The following RPS6KA5 variants were observed in gnomAD, a reference collection of about 807,000 sequenced individuals.
RPS6KA5 encodes the protein ribosomal protein S6 kinase A5.
RPS6KA5 carries 27 observed loss-of-function variants against 85.5 expected under a neutral mutation model. That is an observed-to-expected ratio of 0.32 (90% CI 0.23 to 0.44). The LOEUF (loss-of-function observed/expected upper bound fraction) is 0.44. Ranked by LOEUF, RPS6KA5 falls within the 20% of genes least tolerant of loss-of-function variation. RPS6KA5 has a pLI of 1.00. For synonymous variants in RPS6KA5, 334 were observed against 348.2 expected (o/e 0.96, Z 0.46); for missense variants, 811 against 980.9 (o/e 0.83, Z 2.31).
At chr14:90,993,594 C>T (rs2040396635) in intron 2 of RPS6KA5, among the ~76,000 whole-genome samples, 1 of 152,210 alleles carries the variant, frequency 6.6e-6, no homozygotes, top group South Asian at 2.1e-4. Context: ...TATTATTCCA[C>T]TTTACATGGC....
At chr14:91,039,467 T>C (rs2042522905) in intron 1 of RPS6KA5, among the ~76,000 whole-genome samples, 1 of 152,190 alleles carries the variant, frequency 6.6e-6, no homozygotes. Context: ...ACATATGGAA[T>C]GCCCCTCAGA....
chr14:91,037,853 C>T (rs183981167), intron 1 of RPS6KA5, among the ~76,000 whole-genome samples: 1 of 152,342 alleles, frequency 6.6e-6, no homozygotes, highest in East Asian at 1.9e-4. Context: ...GCAAGACCTG[C>T]AAGATCCACC....
intron 1 of RPS6KA5, among the ~76,000 whole-genome samples, chr14:91,044,436 A>G (rs1015940785): frequency 1.4e-5 from 2 of 148,034 alleles, no homozygotes; most frequent in Non-Finnish European, 3.0e-5. Context: ...AAAGAAAGAA[A>G]GAAAGAAAGA....
At chr14:90,981,417 T>A (rs2039785061) in intron 2 of RPS6KA5, among the ~76,000 whole-genome samples, 1 of 152,204 alleles carries the variant, frequency 6.6e-6, no homozygotes, top group African/African-American at 2.4e-5. Context: ...TTGTAAATAT[T>A]TTTTTCTTTG....
intron 3 of RPS6KA5, among the ~76,000 whole-genome samples, chr14:90,961,837 G>C (rs549458533): frequency 6.6e-6 from 1 of 152,106 alleles, no homozygotes; most frequent in South Asian, 2.1e-4. Flanking sequence ...TTGAATGGAG[G>C]AATATCTACA....
chr14:91,039,238 T>A (rs535208283), intron 1 of RPS6KA5, among the ~76,000 whole-genome samples: 10 of 152,286 alleles, frequency 6.6e-5, no homozygotes. Context: ...GGGTCCTTGT[T>A]GCAGTCTCAC....
At chr14:91,013,158 T>C (rs1566863394) in intron 1 of RPS6KA5, among the ~76,000 whole-genome samples, 1 of 152,204 alleles carries the variant, frequency 6.6e-6, no homozygotes, top group Non-Finnish European at 1.5e-5. Flanking sequence ...TTTCTTCTCT[T>C]TCCCTATTTC....
intron 3 of RPS6KA5, among the ~76,000 whole-genome samples, chr14:90,961,619 C>T (rs1277679208): frequency 6.6e-6 from 1 of 151,910 alleles, no homozygotes; most frequent in Admixed American, 6.6e-5. Flanking sequence ...GAGGGCTCAT[C>T]TGAATGTCAC....
chr14:90,903,176 G>T (rs533342351), intron 8 of RPS6KA5, among the ~76,000 whole-genome samples: 1 of 152,236 alleles, frequency 6.6e-6, no homozygotes, highest in South Asian at 2.1e-4. Context: ...TCAAAGATGA[G>T]ACTATCGCTG....
intron 5 of RPS6KA5, among the ~76,000 whole-genome samples, chr14:90,926,978 G>T (rs894905161): frequency 6.6e-6 from 1 of 152,042 alleles, no homozygotes; most frequent in Non-Finnish European, 1.5e-5. Flanking sequence ...GCACAGTAAT[G>T]ATTGATTTGT....
At chr14:90,924,929 T>C in intron 5 of RPS6KA5, among the ~76,000 whole-genome samples, 1 of 152,240 alleles carries the variant, frequency 6.6e-6, no homozygotes, top group Admixed American at 6.5e-5. Context: ...CATATCTGCC[T>C]GTGACAGATA....
In RPS6KA5 at chr14:90,862,089, T is replaced by C. The variant is rs1405538717; in HGVS notation, c.*9985A>G. The C allele has an allele frequency of 6.6e-6, 1 of 152,140 alleles. No homozygotes were observed. Among genetic ancestry groups the C allele is most frequent in the Non-Finnish European group, 1.5e-5 (1 of 68,036 alleles). The allele number at this position is 152,140 out of a possible 1,614,324, so 9.4% of individuals were successfully genotyped here. A position where few individuals can be genotyped will look rare whatever the true frequency, so the allele number is the denominator to read the frequency against. On this transcript the variant is annotated 3_prime_UTR_variant, in exon 17 of 17. Transcript: ENST00000614987. Reference sequence around the variant, plus strand: ...AATGGACAAAAGAAAATATTTGGTTTATCAAAAGAAGACACAATACAGGAA... The same window carrying C: ...AATGGACAAAAGAAAATATTTGGTTCATCAAAAGAAGACACAATACAGGAA...
At chr14:90,999,187 G>A (rs771569567) in intron 2 of RPS6KA5, among the ~76,000 whole-genome samples, 2 of 151,966 alleles carry the variant, frequency 1.3e-5, no homozygotes, top group Non-Finnish European at 2.9e-5. Flanking sequence ...CAGCCTGGGC[G>A]ACACAGCTAG....
At chr14:91,041,029 T>C (rs892075783) in intron 1 of RPS6KA5, among the ~76,000 whole-genome samples, 7 of 152,088 alleles carry the variant, frequency 4.6e-5, no homozygotes, top group Middle Eastern at 3.4e-3. Flanking sequence ...GGAGGGATAA[T>C]AGAAATAACT....
At chr14:91,052,204 T>G (rs914454603) in intron 1 of RPS6KA5, 6 of 314,792 alleles carry the variant, frequency 1.9e-5, no homozygotes, top group Admixed American at 1.8e-4. Flanking sequence ...TCCCAGCACT[T>G]TGGGAGGCCC....
intron 8 of RPS6KA5, among the ~76,000 whole-genome samples, chr14:90,905,415 A>AT (rs2035445700): frequency 6.6e-6 from 1 of 152,220 alleles, no homozygotes; most frequent in Non-Finnish European, 1.5e-5. Context: ...TTTAAAAGTC[A>AT]TATCTCCAGA....
At chr14:91,035,752 T>C (rs1202155462) in intron 1 of RPS6KA5, among the ~76,000 whole-genome samples, 1 of 145,092 alleles carries the variant, frequency 6.9e-6, no homozygotes, top group Non-Finnish European at 1.5e-5. Context: ...TGAAGAGATA[T>C]ACCCAAAAAA....
chr14:90,894,608 G>A (rs7141970), intron 12 of RPS6KA5, 25 bp from the exon 13 acceptor site: 1 of 1,608,378 alleles, frequency 6.2e-7, no homozygotes, highest in East Asian at 2.2e-5. Context: ...GAATAACGTG[G>A]AGGGCCTTCC....
Position 90,953,050 on chromosome 14 carries a change from C to T in RPS6KA5, c.395-5500G>A, listed in dbSNP as rs564297353. 1.5e-4 allele frequency among the ~76,000 whole-genome samples: 23 copies of T among 152,204 alleles called. No homozygotes were observed. The South Asian group carries it at 4.8e-3, about 32-fold the overall frequency. On this transcript the variant is annotated intron_variant, in intron 3 of 16. Coordinates refer to ENST00000614987, the MANE Select transcript of RPS6KA5 (RefSeq NM_004755.4). ...GAATCCTGCGTCAAAACCAAGAAAA[C>T]GAACAAGCCTTCAGCACCATGGCAC...
Sources: allele counts gnomAD v4.1 joint callset (sites outside exome capture counted in the v4.1 genomes callset), GRCh38; gene constraint gnomAD v4.1.1; transcripts MANE v1.5; gene names NCBI Gene and HGNC (gene_info 2026-07-23, HGNC 2026-07-21).